STK26: variants seen among roughly 807,000 people sequenced by gnomAD.
STK26 encodes serine/threonine kinase 26.
Under a neutral mutation model 34.7 loss-of-function variants are expected in STK26, and 14 were observed. That is an observed-to-expected ratio of 0.40 (90% confidence interval 0.27 to 0.63). STK26 has a LOEUF of 0.63. STK26 is among the 30% of genes least tolerant of loss of function. The pLI is 0.38. For synonymous variants in STK26, 100 were observed against 109.8 expected, an observed-to-expected ratio of 0.91 and a Z score of 0.56; for missense variants, 226 against 309.1, an observed-to-expected ratio of 0.73 and a Z score of 2.02.
chrX:132,071,717 A>G (rs897178439), intron 8 of STK26, among the ~76,000 whole-genome samples: 2 of 112,137 alleles, frequency 1.8e-5, no homozygotes, highest in African/African-American at 6.5e-5. Flanking sequence ...CGTTTACATT[A>G]AAAATTCAGC....
chrX:132,023,649 C>T lies in STK26; in HGVS notation c.32C>T (p.Pro11Leu). 1 of 1,180,833 alleles carries T rather than the reference C, an allele frequency of 8.5e-7. No homozygotes were observed. Among genetic ancestry groups the T allele is most frequent in the Non-Finnish European group, 1.1e-6 (1 of 879,979 alleles). MAHSPVAVQV[P>L]GMQNNIADPE... Reference sequence around the variant, plus strand: ...CACTCGCCGGTGGCTGTCCAAGTGCCTGGGATGCAGGTGAGGAAGCGCAGG... The same window carrying T: ...CACTCGCCGGTGGCTGTCCAAGTGCTTGGGATGCAGGTGAGGAAGCGCAGG... Residue 11 changes from proline to leucine, a missense_variant, in exon 2 of 12, where the codon CCT (proline) becomes CTT (leucine). Physicochemically the swap from Pro to Leu is moderately conservative, Grantham distance 98. Coordinates refer to ENST00000394334, the MANE Select transcript of STK26 (RefSeq NM_016542.4).
intron 2 of STK26, among the ~76,000 whole-genome samples, chrX:132,026,412 A>G (rs1280818950): frequency 8.9e-6 from 1 of 111,928 alleles, no homozygotes; most frequent in Admixed American, 9.4e-5. Context: ...AGTTTTTTGT[A>G]CTTAATTTGT....
At chrX:132,028,505 G>A (rs1248830756) in intron 2 of STK26, among the ~76,000 whole-genome samples, 1 of 111,426 alleles carries the variant, frequency 9.0e-6, no homozygotes, top group Non-Finnish European at 1.9e-5. Context: ...TGAAGCTTTG[G>A]TCATTCATCA....
At position 132,074,315 on chromosome X, in the gene STK26, G is replaced by A. The variant is rs1010201940; in HGVS notation, c.*156G>A. The stretch of plus-strand genomic sequence containing the variant: ...AGCTATTAAACTATTTTGTGATGGC[G>A]TTTATCATTTTATATTTTGAAAGGA... On this transcript the variant is annotated 3_prime_UTR_variant, in exon 12 of 12. Transcript: ENST00000394334. The A allele has an allele frequency of 1.7e-4, 75 of 451,943 alleles. 1 individual carries two copies. Among genetic ancestry groups the A allele is most frequent in the Non-Finnish European group, 2.2e-4 (61 of 276,663 alleles). 37.2% of individuals were successfully genotyped at this position (451,943 alleles called of 1,213,427 possible). A position where few individuals can be genotyped will look rare whatever the true frequency, so the allele number is the denominator to read the frequency against.
chrX:132,053,785 A>C (rs967601553), intron 2 of STK26, among the ~76,000 whole-genome samples: 18 of 112,061 alleles, frequency 1.6e-4, no homozygotes, highest in African/African-American at 5.8e-4. Context: ...AATTTAAGTA[A>C]GTATATAAAG....
chrX:132,048,978 GTTTGT>G (rs59340167), intron 2 of STK26, among the ~76,000 whole-genome samples: 9,542 of 111,038 alleles, frequency 0.086, 370 homozygotes, highest in Non-Finnish European at 0.11. Context: ...TTGTTTGTTT[GTTTGT>G]TTTGTTTTGT....
chrX:132,065,410 C>T (rs1927188869), intron 4 of STK26, among the ~76,000 whole-genome samples: 1 of 111,509 alleles, frequency 9.0e-6, no homozygotes, highest in Non-Finnish European at 1.9e-5. Flanking sequence ...ATATCTCTTC[C>T]CCATTTTGGA....
chrX:132,070,955 C>T, intron 7 of STK26, 114 bp from the exon 8 acceptor site: 3 of 794,999 alleles, frequency 3.8e-6, no homozygotes, highest in Non-Finnish European at 1.8e-6. Context: ...CTTATGTCTA[C>T]AGACATACCT....
intron 2 of STK26, among the ~76,000 whole-genome samples, chrX:132,035,431 T>C (rs1374687075): frequency 1.8e-5 from 2 of 110,857 alleles, no homozygotes. Flanking sequence ...TTATTATTGT[T>C]ATATAATTTT....
At position 132,023,372 on chromosome X, in the gene STK26, A is replaced by C. The variant is rs756210356; in HGVS notation, c.-146A>C. The C allele has an allele frequency of 5.7e-6, 3 of 526,556 alleles. No homozygotes were observed. Among genetic ancestry groups the C allele is most frequent in the Non-Finnish European group, 1.0e-5 (3 of 290,059 alleles). 43.4% of individuals were successfully genotyped at this position (526,556 alleles called of 1,213,427 possible). On this transcript the variant is annotated 5_prime_UTR_variant, in exon 1 of 12. Coordinates refer to ENST00000394334, the MANE Select transcript of STK26 (RefSeq NM_016542.4). The stretch of plus-strand genomic sequence containing the variant: ...CGTTCAGGAAGAGGAGCAGCAGCGG[A>C]GGCGGCTGCTTCAGCGGCGGGCGGG...
intron 2 of STK26, among the ~76,000 whole-genome samples, chrX:132,038,571 T>G (rs1926146745): frequency 9.0e-6 from 1 of 111,344 alleles, no homozygotes; most frequent in African/African-American, 3.3e-5. Context: ...GGTGGCCTTT[T>G]TTTTTCCTTT....
Position 132,069,410 on chromosome X carries a change from C to CATATATATAT in STK26, c.598-35_598-26dup, listed in dbSNP as rs57609807. The CATATATATAT allele has an allele frequency of 3.7e-3, 349 of 93,750 alleles. 3 individuals carry two copies. The highest frequency in any genetic ancestry group is 6.7e-3 in the African/African-American group (104 of 15,486). 7.7% of individuals were successfully genotyped at this position (93,750 alleles called of 1,213,427 possible). A position where few individuals can be genotyped will look rare whatever the true frequency, so the allele number is the denominator to read the frequency against. On this transcript the variant is annotated intron_variant, in intron 6 of 11. Transcript: ENST00000394334. ...TTTCAAGGTGATATACATACATACA[C>CATATATATAT]ATATATATATATATATATATATATA...
At position 132,053,061 on chromosome X, in the gene STK26, A is replaced by T. The variant is rs1926739209; in HGVS notation, c.43-1570A>T. Among the ~76,000 whole-genome samples the T allele has an allele frequency of 4.5e-5, 5 of 111,977 alleles. No individual in the cohort carries two copies. The Admixed American group carries it at 4.7e-4, about 11-fold the overall frequency. On this transcript the variant is annotated intron_variant, in intron 2 of 11. Coordinates refer to ENST00000394334, the MANE Select transcript of STK26 (RefSeq NM_016542.4). The stretch of plus-strand genomic sequence containing the variant: ...AAAGAGGACACCAAGGAAATCAATA[A>T]TGATGGCACTCAAGTTTTTGAGAAG...
chrX:132,027,044 A>G (rs1233416313), intron 2 of STK26, among the ~76,000 whole-genome samples: 2 of 112,407 alleles, frequency 1.8e-5, no homozygotes, highest in Non-Finnish European at 3.7e-5. Flanking sequence ...TGTTAAAACT[A>G]GCACATGAAA....
Position 132,073,048 on chromosome X carries a change from G to T in STK26, c.1181G>T (p.Gly394Val). Reference sequence around the variant, plus strand: ...GCTGTGGCTGAAGCCGCCTGTCCCGGCATCACAGATAAAATGGTGAAGAAA... The same window carrying T: ...GCTGTGGCTGAAGCCGCCTGTCCCGTCATCACAGATAAAATGGTGAAGAAA... ...SIAVAEAACP[G>V]ITDKMVKKLI... Residue 394 changes from glycine (G) to valine (V), a missense_variant, in exon 11 of 12, where the codon GGC (glycine) becomes GTC (valine). Gly to Val is a moderately radical substitution (Grantham distance 109, BLOSUM62 -3). Transcript: ENST00000394334. 1 of 1,204,989 alleles carries T rather than the reference G, an allele frequency of 8.3e-7. No homozygotes were observed. Among genetic ancestry groups the T allele is most frequent in the Non-Finnish European group, 1.1e-6 (1 of 892,607 alleles).
intron 2 of STK26, among the ~76,000 whole-genome samples, chrX:132,028,144 C>T (rs773407650): frequency 2.3e-4 from 24 of 106,375 alleles, no homozygotes; most frequent in Non-Finnish European, 2.9e-4. Flanking sequence ...GGATTACAGG[C>T]GTGAGCTACT....
In STK26 at chrX:132,027,255, A is replaced by G. The variant is rs111868627; in HGVS notation, c.42+3596A>G. Among the ~76,000 whole-genome samples the G allele has an allele frequency of 5.4e-3, 608 of 111,756 alleles. 4 individuals carry two copies. The highest frequency in any genetic ancestry group is 0.019 in the African/African-American group (574 of 30,745). On this transcript the variant is annotated intron_variant, in intron 2 of 11. Transcript: ENST00000394334. Reference sequence around the variant, plus strand: ...TTGACTTTACAATGGTACTCACACAACCATTCTGTTTTTCGCTTTCCATAC... The same window carrying G: ...TTGACTTTACAATGGTACTCACACAGCCATTCTGTTTTTCGCTTTCCATAC...
chrX:132,035,191 TG>T (rs1484891736), intron 2 of STK26, among the ~76,000 whole-genome samples: 1 of 110,897 alleles, frequency 9.0e-6, no homozygotes, highest in African/African-American at 3.3e-5. Flanking sequence ...TAGAGGAAAT[TG>T]TGAGAGATGA....
At chrX:132,051,136 C>T (rs1310432332) in intron 2 of STK26, among the ~76,000 whole-genome samples, 1 of 112,139 alleles carries the variant, frequency 8.9e-6, no homozygotes, top group Non-Finnish European at 1.9e-5. Context: ...CTTCTTCTAT[C>T]TGCTCCTTAC....
Sources: gnomAD v4.1 joint callset for allele counts (sites outside exome capture counted in the v4.1 genomes callset) on GRCh38, gnomAD v4.1.1 for gene constraint, MANE v1.5 for transcripts, NCBI Gene and HGNC (gene_info 2026-07-23, HGNC 2026-07-21) for gene names.